The following BACH2 variants were observed in gnomAD, a reference collection of about 807,000 sequenced individuals.
BACH2 encodes the protein BACH transcriptional regulator 2.
BACH2 carries 5 observed loss-of-function variants against 61.8 expected under a neutral mutation model. That is an observed-to-expected ratio of 0.08 (90% CI 0.04 to 0.17). The LOEUF (loss-of-function observed/expected upper bound fraction) is 0.17, where lower values mean the gene tolerates loss of function less well. Ranked by LOEUF, BACH2 falls within the 10% of genes least tolerant of loss-of-function variation. BACH2 has a pLI of 1.00. For missense variants in BACH2, 824 were observed against 1,091.1 expected (o/e 0.76, Z 3.45); for synonymous variants, 446 against 440.1 (o/e 1.01, Z -0.17).
intron 8 of BACH2, among the ~76,000 whole-genome samples, chr6:89,937,483 G>C (rs1179771599): frequency 6.6e-6 from 1 of 152,160 alleles, no homozygotes; most frequent in Non-Finnish European, 1.5e-5. Flanking sequence ...CATAAAAACA[G>C]TTTAGAAGAA....
At chr6:90,103,867 T>C (rs976702441) in intron 4 of BACH2, among the ~76,000 whole-genome samples, 20 of 152,242 alleles carry the variant, frequency 1.3e-4, no homozygotes, top group African/African-American at 4.6e-4. Context: ...GATATTTTGA[T>C]TGTTCTTCAT....
chr6:90,014,849 G>A lies in BACH2; in HGVS notation c.-12-5993C>T, dbSNP rs561224940. 4.3e-4 allele frequency among the ~76,000 whole-genome samples: 66 copies of A among 152,024 alleles called. 1 individual carries two copies. The highest frequency in any genetic ancestry group is 1.2e-3 in the Admixed American group (19 of 15,242). On this transcript the variant is annotated intron_variant, in intron 5 of 8. Transcript: ENST00000257749. ...GCTGGAGTGCAGTGGCGTGATCATAGCTAACTGCAACCTCAAACTCCTGGG... is the reference window on the plus strand; with the variant it reads ...GCTGGAGTGCAGTGGCGTGATCATAACTAACTGCAACCTCAAACTCCTGGG...
At chr6:90,244,573 T>C (rs1313525169) in intron 3 of BACH2, among the ~76,000 whole-genome samples, 1 of 152,204 alleles carries the variant, frequency 6.6e-6, no homozygotes, top group South Asian at 2.1e-4. Flanking sequence ...TTGGGTATAT[T>C]GCTCACCTGA....
At chr6:90,080,748 C>G in intron 5 of BACH2, 1 of 985,196 alleles carries the variant, frequency 1.0e-6, no homozygotes, top group Non-Finnish European at 1.2e-6. Flanking sequence ...CTGAGAAAGG[C>G]ATCTTTACCT....
intron 5 of BACH2, among the ~76,000 whole-genome samples, chr6:90,016,403 A>G (rs1778061860): frequency 6.6e-6 from 1 of 151,670 alleles, no homozygotes; most frequent in African/African-American, 2.4e-5. Flanking sequence ...AATTATTGGC[A>G]TGTTGTTTTG....
intron 3 of BACH2, among the ~76,000 whole-genome samples, chr6:90,235,380 G>T (rs1185139221): frequency 5.9e-5 from 9 of 152,186 alleles, no homozygotes; most frequent in Non-Finnish European, 8.8e-5. Flanking sequence ...ACAGGGTTGT[G>T]AAGATTATGT....
At chr6:90,288,261 T>C (rs1772079404) in intron 1 of BACH2, among the ~76,000 whole-genome samples, 1 of 152,064 alleles carries the variant, frequency 6.6e-6, no homozygotes, top group Non-Finnish European at 1.5e-5. Flanking sequence ...AATCAGCAGC[T>C]TTAATTTAAG....
intron 5 of BACH2, among the ~76,000 whole-genome samples, chr6:90,051,655 T>G (rs1405124697): frequency 6.6e-6 from 1 of 152,224 alleles, no homozygotes; most frequent in East Asian, 1.9e-4. Flanking sequence ...AATTTCAATT[T>G]AATTAATTCT....
In BACH2 at chr6:89,928,769, C is replaced by G. The variant is rs1264846479; in HGVS notation, c.*3639G>C. 2 of 152,636 alleles carry G rather than the reference C, an allele frequency of 1.3e-5. No individual in the cohort carries two copies. Among genetic ancestry groups the G allele is most frequent in the Admixed American group, 6.5e-5 (1 of 15,268 alleles). 9.5% of individuals were successfully genotyped at this position (152,636 alleles called of 1,614,324 possible). The stretch of plus-strand genomic sequence containing the variant: ...CGCACAACATTCAGTTGCAGACACA[C>G]AGAGTCAGGTTTTCCACTGCAGCAT... On this transcript the variant is annotated 3_prime_UTR_variant, in exon 9 of 9. Coordinates refer to ENST00000257749, the MANE Select transcript of BACH2 (RefSeq NM_021813.4).
intron 4 of BACH2, among the ~76,000 whole-genome samples, chr6:90,171,538 CAT>C (rs1483010236): frequency 6.6e-6 from 1 of 151,808 alleles, no homozygotes; most frequent in Non-Finnish European, 1.5e-5. Flanking sequence ...ACTACAAACA[CAT>C]AGCAGAAGCA....
intron 3 of BACH2, among the ~76,000 whole-genome samples, chr6:90,249,264 C>T (rs1464576487): frequency 2.0e-5 from 3 of 152,154 alleles, no homozygotes; most frequent in East Asian, 3.9e-4. Context: ...CTCTTAGTTA[C>T]AGACAGGCAC....
At chr6:90,017,447 C>G (rs2127783833) in intron 5 of BACH2, among the ~76,000 whole-genome samples, 1 of 152,232 alleles carries the variant, frequency 6.6e-6, no homozygotes, top group East Asian at 1.9e-4. Context: ...GTCTTGAACT[C>G]CTGACCTCAA....
intron 4 of BACH2, among the ~76,000 whole-genome samples, chr6:90,199,537 G>T (rs1391764173): frequency 1.3e-5 from 2 of 152,068 alleles, no homozygotes; most frequent in Non-Finnish European, 2.9e-5. Context: ...CAATTACATG[G>T]TAAGTTGTAT....
intron 4 of BACH2, among the ~76,000 whole-genome samples, chr6:90,101,284 TGTG>T (rs1405117289): frequency 2.0e-5 from 3 of 152,344 alleles, no homozygotes; most frequent in South Asian, 4.1e-4. Context: ...CTTTTGTACT[TGTG>T]GTGTTATATC....
At chr6:90,059,325 G>A (rs1234391970) in intron 5 of BACH2, among the ~76,000 whole-genome samples, 1 of 152,188 alleles carries the variant, frequency 6.6e-6, no homozygotes, top group Non-Finnish European at 1.5e-5. Context: ...GATATGAACA[G>A]ACACTTCTCA....
intron 7 of BACH2, among the ~76,000 whole-genome samples, chr6:89,946,438 C>T (rs1201988867): frequency 3.3e-5 from 5 of 152,162 alleles, no homozygotes; most frequent in Admixed American, 6.6e-5. Flanking sequence ...ATGGGCACAA[C>T]CTTTAGCCCA....
At chr6:90,196,154 T>C (rs1768751930) in intron 4 of BACH2, among the ~76,000 whole-genome samples, 1 of 151,996 alleles carries the variant, frequency 6.6e-6, no homozygotes, top group Non-Finnish European at 1.5e-5. Flanking sequence ...CTCCATTTCA[T>C]TCATGGAACA....
chr6:90,084,137 G>A (rs1415232903), intron 5 of BACH2, among the ~76,000 whole-genome samples: 1 of 152,084 alleles, frequency 6.6e-6, no homozygotes, highest in Non-Finnish European at 1.5e-5. Context: ...ATGAAGGTTA[G>A]CTAATTCAGG....
chr6:90,289,008 T>C (rs899583116), intron 1 of BACH2, among the ~76,000 whole-genome samples: 2 of 152,202 alleles, frequency 1.3e-5, no homozygotes, highest in South Asian at 2.1e-4. Flanking sequence ...TCACTTTTAC[T>C]TTCCGATCCC....
Sources: gnomAD v4.1 joint callset for allele counts (sites outside exome capture counted in the v4.1 genomes callset) on GRCh38, gnomAD v4.1.1 for gene constraint, MANE v1.5 for transcripts, NCBI Gene and HGNC (gene_info 2026-07-23, HGNC 2026-07-21) for gene names.